Variants in FNIP1 observed in about 807,000 individuals in gnomAD.
FNIP1 encodes the protein folliculin interacting protein 1.
In FNIP1, 40 loss-of-function variants were observed where a neutral mutation model predicts 124.5. The observed-to-expected ratio is 0.32, with a 90% CI of 0.25 to 0.42. The LOEUF (loss-of-function observed/expected upper bound fraction) is 0.42, where lower values mean the gene tolerates loss of function less well. Among genes scored for constraint, FNIP1 ranks in the 10% least tolerant of loss-of-function variants. FNIP1 has a pLI of 1.00. For missense variants in FNIP1, 1,176 were observed against 1,403.7 expected, an observed-to-expected ratio of 0.84 and a Z score of 2.59; for synonymous variants, 472 against 470.6, an observed-to-expected ratio of 1.00 and a Z score of -0.04.
intron 15 of FNIP1, among the ~76,000 whole-genome samples, chr5:131,652,573 C>T (rs1767072227): frequency 6.6e-6 from 1 of 152,150 alleles, no homozygotes; most frequent in South Asian, 2.1e-4. Context: ...GATCTCCTAA[C>T]CTTGTGATCC....
chr5:131,719,235 G>T, intron 4 of FNIP1, 82 bp downstream of exon 4: 1 of 1,280,458 alleles, frequency 7.8e-7, no homozygotes, highest in South Asian at 1.3e-5. Context: ...CAATCTGAGT[G>T]AAGATCATAT....
At chr5:131,735,613 CAT>C (rs1383533165) in intron 2 of FNIP1, among the ~76,000 whole-genome samples, 1 of 148,276 alleles carries the variant, frequency 6.7e-6, no homozygotes, top group Non-Finnish European at 1.5e-5. Flanking sequence ...TACATATACA[CAT>C]ATTTATATAT....
At position 131,681,905 on chromosome 5, in the gene FNIP1, T is replaced by C. The variant is rs557180798; in HGVS notation, c.1203-2730A>G. 1.1e-4 allele frequency among the ~76,000 whole-genome samples: 17 copies of C among 152,150 alleles called. No homozygotes were observed. The South Asian group carries it at 3.5e-3, about 32-fold the overall frequency. On this transcript the variant is annotated intron_variant, in intron 11 of 17. Transcript: ENST00000510461. ...ACCAAGAAACAGGTATAAACCCATA[T>C]ATCATGGCAGAAAATAAATATGATC... is the stretch of plus-strand genomic sequence containing the variant.
At chr5:131,728,125 C>T (rs1409743612) in intron 3 of FNIP1, among the ~76,000 whole-genome samples, 3 of 152,160 alleles carry the variant, frequency 2.0e-5, no homozygotes, top group Non-Finnish European at 4.4e-5. Flanking sequence ...TCCTTCATTT[C>T]AACCTTGGTG....
At chr5:131,751,653 A>T (rs1770876225) in intron 1 of FNIP1, among the ~76,000 whole-genome samples, 1 of 152,228 alleles carries the variant, frequency 6.6e-6, no homozygotes, top group Non-Finnish European at 1.5e-5. Context: ...ATGAATAAAC[A>T]AAATGTGGTA....
intron 11 of FNIP1, among the ~76,000 whole-genome samples, chr5:131,681,762 TAAAAAAA>T (rs34881164): frequency 9.1e-6 from 1 of 109,426 alleles, no homozygotes; most frequent in African/African-American, 3.8e-5. Context: ...TGCCAATTTC[TAAAAAAA>T]AAAAAAAAAC....
chr5:131,677,605 G>T, intron 13 of FNIP1, 98 bp downstream of exon 13: 1 of 1,179,512 alleles, frequency 8.5e-7, no homozygotes, highest in Non-Finnish European at 1.2e-6. Flanking sequence ...AATGCAGGAG[G>T]TAAAAGCATT....
chr5:131,644,844 T>G, intron 17 of FNIP1, 81 bp from the exon 18 acceptor site: 1 of 1,350,530 alleles, frequency 7.4e-7, no homozygotes, highest in Non-Finnish European at 1.1e-6. Context: ...CCACCAACTG[T>G]AAGGTCACTA....
At chr5:131,656,176 G>A (rs1036233248) in intron 15 of FNIP1, among the ~76,000 whole-genome samples, 2 of 152,060 alleles carry the variant, frequency 1.3e-5, no homozygotes, top group Non-Finnish European at 2.9e-5. Context: ...TAACATCATG[G>A]GATCCACATG....
intron 5 of FNIP1, among the ~76,000 whole-genome samples, chr5:131,717,277 G>A (rs1319436266): frequency 6.6e-6 from 1 of 152,154 alleles, no homozygotes; most frequent in East Asian, 1.9e-4. Context: ...TGAGAATGAC[G>A]GTTTCCAGCT....
At chr5:131,755,435 CGAA>C (rs1227186044) in intron 1 of FNIP1, among the ~76,000 whole-genome samples, 2 of 140,788 alleles carry the variant, frequency 1.4e-5, no homozygotes, top group Non-Finnish European at 3.1e-5. Flanking sequence ...AAAAAAAAAA[CGAA>C]GAAGAAGAAA....
At chr5:131,655,115 G>A (rs1317298100) in intron 15 of FNIP1, among the ~76,000 whole-genome samples, 4 of 152,192 alleles carry the variant, frequency 2.6e-5, no homozygotes, top group Admixed American at 1.3e-4. Context: ...TATGGGTAAA[G>A]TTTTTGGAAA....
At chr5:131,729,964 C>T (rs1191358131) in intron 3 of FNIP1, among the ~76,000 whole-genome samples, 2 of 151,870 alleles carry the variant, frequency 1.3e-5, no homozygotes, top group African/African-American at 4.9e-5. Flanking sequence ...TGGTCTCGAA[C>T]TCCTGACCTC....
chr5:131,776,182 C>A (rs541435788), intron 1 of FNIP1, among the ~76,000 whole-genome samples: 1 of 152,274 alleles, frequency 6.6e-6, no homozygotes, highest in South Asian at 2.1e-4. Context: ...GCAAAACTGA[C>A]GTCACTGGTG....
intron 1 of FNIP1, among the ~76,000 whole-genome samples, chr5:131,785,205 TATATC>T (rs761095881): frequency 6.9e-6 from 1 of 145,170 alleles, no homozygotes; most frequent in Admixed American, 6.9e-5. Flanking sequence ...TGACTATATA[TATATC>T]ATAACGCTAT....
At chr5:131,735,562 A>G (rs886417028) in intron 2 of FNIP1, among the ~76,000 whole-genome samples, 8 of 148,458 alleles carry the variant, frequency 5.4e-5, no homozygotes, top group African/African-American at 4.9e-5. Context: ...ACATATACAC[A>G]TATTTATATA....
At chr5:131,796,553 G>A in intron 1 of FNIP1, 1 of 508,714 alleles carries the variant, frequency 2.0e-6, no homozygotes, top group Non-Finnish European at 3.5e-6. Flanking sequence ...GCTAGGTCCG[G>A]AGGAGCAGAG....
chr5:131,796,492 A>G (rs1196533536), intron 1 of FNIP1: 3 of 326,904 alleles, frequency 9.2e-6, no homozygotes, highest in Non-Finnish European at 1.1e-5. Context: ...CCCGCGCCCA[A>G]CTCTACTCGG....
chr5:131,754,108 G>A (rs975142404), intron 1 of FNIP1, among the ~76,000 whole-genome samples: 19 of 152,282 alleles, frequency 1.2e-4, no homozygotes, highest in Non-Finnish European at 2.1e-4. Flanking sequence ...CACCATGTCC[G>A]GCCTAAAACA....
Sources: gnomAD v4.1 joint callset for allele counts (sites outside exome capture counted in the v4.1 genomes callset) on GRCh38, gnomAD v4.1.1 for gene constraint, MANE v1.5 for transcripts, NCBI Gene and HGNC (gene_info 2026-07-23, HGNC 2026-07-21) for gene names.